MACROD2: variants seen among roughly 807,000 people sequenced by gnomAD.
MACROD2 encodes ADP-ribose glycohydrolase MACROD2.
Under a neutral mutation model 70.4 loss-of-function variants are expected in MACROD2, and 36 were observed. The ratio of observed to expected loss-of-function variants is 0.51; its 90% CI spans 0.39 to 0.68. The LOEUF (loss-of-function observed/expected upper bound fraction) is 0.68, where lower values mean the gene tolerates loss of function less well. Ranked by LOEUF, MACROD2 falls within the 30% of genes least tolerant of loss-of-function variation. The pLI is 0.00. For synonymous variants in MACROD2, 172 were observed against 178.8 expected, an observed-to-expected ratio of 0.96 and a Z score of 0.30; for missense variants, 496 against 538.4, an observed-to-expected ratio of 0.92 and a Z score of 0.78.
chr20:15,669,528 A>AT (rs1254786126), intron 8 of MACROD2, among the ~76,000 whole-genome samples: 6 of 152,074 alleles, frequency 3.9e-5, no homozygotes, highest in Admixed American at 1.3e-4. Flanking sequence ...CTGCTCCCTG[A>AT]TTTTTCATTA....
At chr20:14,922,186 G>A (rs2074172021) in intron 5 of MACROD2, among the ~76,000 whole-genome samples, 1 of 152,072 alleles carries the variant, frequency 6.6e-6, no homozygotes, top group South Asian at 2.1e-4. Context: ...CATTTTAACT[G>A]TTTTTGTGTT....
intron 5 of MACROD2, among the ~76,000 whole-genome samples, chr20:15,048,594 T>G (rs1260113557): frequency 6.6e-6 from 1 of 152,156 alleles, no homozygotes; most frequent in African/African-American, 2.4e-5. Context: ...CATTATTATT[T>G]TCTATGCAAT....
chr20:14,607,534 G>A (rs749026751), intron 4 of MACROD2, among the ~76,000 whole-genome samples: 4 of 152,126 alleles, frequency 2.6e-5, no homozygotes, highest in Non-Finnish European at 5.9e-5. Context: ...TAACGAGGAT[G>A]CAAAGCACCT....
chr20:15,586,059 C>T (rs1355846475), intron 8 of MACROD2, among the ~76,000 whole-genome samples: 1 of 152,170 alleles, frequency 6.6e-6, no homozygotes, highest in African/African-American at 2.4e-5. Flanking sequence ...CAGCTGTGCC[C>T]CATATGGTTG....
At chr20:15,257,576 T>C (rs1160789188) in intron 6 of MACROD2, among the ~76,000 whole-genome samples, 4 of 152,052 alleles carry the variant, frequency 2.6e-5, no homozygotes, top group Non-Finnish European at 5.9e-5. Flanking sequence ...TCCCATGGGA[T>C]CATAATGAAG....
intron 8 of MACROD2, among the ~76,000 whole-genome samples, chr20:15,551,946 A>C (rs1337574323): frequency 6.6e-6 from 1 of 151,932 alleles, no homozygotes; most frequent in Non-Finnish European, 1.5e-5. Context: ...ATAATTATAT[A>C]AGCACTTATT....
At chr20:15,277,441 G>A (rs113779870) in intron 6 of MACROD2, among the ~76,000 whole-genome samples, 3,918 of 152,274 alleles carry the variant, frequency 0.026, 171 homozygotes, top group African/African-American at 0.089. Flanking sequence ...AACCAACAGA[G>A]TTCTTCTGGG....
At chr20:15,813,692 T>C (rs2063843705) in intron 8 of MACROD2, among the ~76,000 whole-genome samples, 1 of 152,138 alleles carries the variant, frequency 6.6e-6, no homozygotes, top group South Asian at 2.1e-4. Flanking sequence ...GGTAGGAGGA[T>C]CACTTGAGCC....
rs1313573743 is a variant in MACROD2, at chr20:14,700,083, GTTTAAATCTAGAAGTTTAAAGTTTAAAT to G, written c.418+15151_418+15178del. Among the ~76,000 whole-genome samples, 304 of 151,856 alleles carry G rather than the reference GTTTAAATCTAGAAGTTTAAAGTTTAAAT, an allele frequency of 2.0e-3. 1 individual carries two copies. The highest frequency in any genetic ancestry group is 6.6e-3 in the African/African-American group (274 of 41,404). Reference sequence around the variant, plus strand: ...TAAAGTTTAAATCTAGAAATTTAAAGTTTAAATCTAGAAGTTTAAAGTTTAAATTTTAAATCTAGAAGTTTAAAGTTTA... The same window carrying G: ...TAAAGTTTAAATCTAGAAATTTAAAGTTTAAATCTAGAAGTTTAAAGTTTA... On this transcript the variant is annotated intron_variant, in intron 5 of 17. Transcript: ENST00000684519.
chr20:14,430,805 G>C lies in MACROD2; in HGVS notation c.272-62674G>C, dbSNP rs114422016. Among the ~76,000 whole-genome samples the C allele has an allele frequency of 2.2e-3, 339 of 152,222 alleles. 2 individuals are homozygous for C. Among genetic ancestry groups the C allele is most frequent in the Non-Finnish European group, 3.3e-3 (224 of 68,012 alleles). On this transcript the variant is annotated intron_variant, in intron 3 of 17. Transcript: ENST00000684519. ...CAACAGTGTTGTGTTAGACTTCAAG[G>C]AAGGCTGCATGAGAGGAGGAGACCC...
chr20:14,989,456 A>G (rs2074880504), intron 5 of MACROD2, among the ~76,000 whole-genome samples: 1 of 152,180 alleles, frequency 6.6e-6, no homozygotes, highest in African/African-American at 2.4e-5. Context: ...AGCAAAAAGT[A>G]CGCATTCAAG....
intron 13 of MACROD2, among the ~76,000 whole-genome samples, chr20:15,971,711 T>C (rs2066233475): frequency 6.6e-6 from 1 of 152,232 alleles, no homozygotes; most frequent in Non-Finnish European, 1.5e-5. Flanking sequence ...GAACAGACAC[T>C]AATACTCTGG....
chr20:14,934,611 A>G (rs987801713), intron 5 of MACROD2, among the ~76,000 whole-genome samples: 5 of 152,248 alleles, frequency 3.3e-5, no homozygotes, highest in African/African-American at 1.2e-4. Context: ...ACATGGTGAA[A>G]CCTTGTCTCT....
intron 3 of MACROD2, among the ~76,000 whole-genome samples, chr20:14,274,452 A>C (rs2082230652): frequency 2.0e-5 from 3 of 152,198 alleles, no homozygotes; most frequent in South Asian, 4.1e-4. Flanking sequence ...ACAACCCTTC[A>C]TGCTAAAAAC....
intron 3 of MACROD2, among the ~76,000 whole-genome samples, chr20:14,146,252 G>GAGCTTGCAGTGAGCCGAGGTGGCGC (rs2054941366): frequency 2.0e-5 from 3 of 152,118 alleles, no homozygotes; most frequent in Non-Finnish European, 4.4e-5. Flanking sequence ...CTGGGAGGCG[G>GAGCTTGCAGTGAGCCGAGGTGGCGC]AGCTTGCAGT....
intron 5 of MACROD2, among the ~76,000 whole-genome samples, chr20:14,935,997 A>G (rs779579197): frequency 6.6e-6 from 1 of 152,132 alleles, no homozygotes; most frequent in Non-Finnish European, 1.5e-5. Flanking sequence ...GGAGCCAAGC[A>G]CATTCCAGGC....
At chr20:14,662,576 T>A (rs1261329337) in intron 4 of MACROD2, among the ~76,000 whole-genome samples, 1 of 152,184 alleles carries the variant, frequency 6.6e-6, no homozygotes, top group Non-Finnish European at 1.5e-5. Flanking sequence ...AGAAAATGTT[T>A]GCAAACTATG....
intron 4 of MACROD2, among the ~76,000 whole-genome samples, chr20:14,638,235 G>T (rs1984892021): frequency 6.6e-6 from 1 of 152,212 alleles, no homozygotes; most frequent in Non-Finnish European, 1.5e-5. Flanking sequence ...TATGGTATCA[G>T]ATGATTTTTT....
intron 2 of MACROD2, among the ~76,000 whole-genome samples, chr20:14,039,425 A>C (rs976642259): frequency 6.6e-6 from 1 of 152,188 alleles, no homozygotes; most frequent in African/African-American, 2.4e-5. Context: ...GTCTTGTTTT[A>C]AATCTTATGT....
Sources: allele counts gnomAD v4.1 joint callset (sites outside exome capture counted in the v4.1 genomes callset), GRCh38; gene constraint gnomAD v4.1.1; transcripts MANE v1.5; gene names NCBI Gene and HGNC (gene_info 2026-07-23, HGNC 2026-07-21).